Variants in ZNF540 observed in about 807,000 individuals in gnomAD.
ZNF540 encodes the protein zinc finger protein 540.
ZNF540 carries 3 observed loss-of-function variants against 11.8 expected under a neutral mutation model. That is an observed-to-expected ratio of 0.25 (90% CI 0.12 to 0.65). ZNF540 has a LOEUF of 0.65. ZNF540 is among the 30% of genes least tolerant of loss of function. ZNF540 has a pLI of 0.83. For missense variants in ZNF540, 709 were observed against 793.1 expected (o/e 0.89, Z 1.27); for synonymous variants, 247 against 259.0 (o/e 0.95, Z 0.45).
intron 1 of ZNF540, chr19:37,563,729 C>T (rs761927563): frequency 3.5e-5 from 5 of 143,388 alleles, no homozygotes; most frequent in Admixed American, 1.4e-4. Context: ...AATACATACA[C>T]GTGGAATATA....
chr19:37,609,039 T>A (rs1372592848), intron 4 of ZNF540, among the ~76,000 whole-genome samples: 1 of 152,164 alleles, frequency 6.6e-6, no homozygotes, highest in Non-Finnish European at 1.5e-5. Context: ...ACACTTCTAG[T>A]CTCCCAGCCA....
intron 1 of ZNF540, chr19:37,560,667 A>G (rs2042706800): frequency 6.6e-6 from 1 of 152,108 alleles, no homozygotes; most frequent in Admixed American, 6.6e-5. Context: ...AATGATTTTT[A>G]AAAAGAAAAA....
chr19:37,578,215 T>C (rs987687326), intron 1 of ZNF540, among the ~76,000 whole-genome samples: 2 of 151,794 alleles, frequency 1.3e-5, no homozygotes, highest in Non-Finnish European at 2.9e-5. Context: ...GCCAAAAAGG[T>C]TGGGATAGCG....
upstream of ZNF540, among the ~76,000 whole-genome samples, chr19:37,591,235 T>C (rs967021067): frequency 3.9e-5 from 6 of 152,188 alleles, no homozygotes; most frequent in East Asian, 1.2e-3. Flanking sequence ...AATGGCTCAT[T>C]TCAGGGCTGG....
At chr19:37,575,403 T>C (rs1399609411) in intron 1 of ZNF540, 1 of 152,242 alleles carries the variant, frequency 6.6e-6, no homozygotes, top group East Asian at 1.9e-4. Context: ...ATACAAATAC[T>C]GTTCAATACA....
intron 1 of ZNF540, chr19:37,586,747 T>C: frequency 1.3e-6 from 2 of 1,574,996 alleles, no homozygotes; most frequent in East Asian, 2.2e-5. Flanking sequence ...AAGCCAGTGC[T>C]GGACAAGGAA....
At chr19:37,595,742 A>G (rs970674002) in intron 1 of ZNF540, among the ~76,000 whole-genome samples, 18 of 152,374 alleles carry the variant, frequency 1.2e-4, no homozygotes, top group African/African-American at 4.3e-4. Flanking sequence ...TGTGCTCTCC[A>G]ATATAGTAGC....
intron 1 of ZNF540, among the ~76,000 whole-genome samples, chr19:37,579,574 G>A (rs1043356660): frequency 2.6e-5 from 4 of 152,188 alleles, no homozygotes; most frequent in Admixed American, 1.3e-4. Flanking sequence ...ACCTTTCACC[G>A]TATAAAATAA....
At chr19:37,586,952 C>A (rs2043695160) in intron 1 of ZNF540, 3 of 442,806 alleles carry the variant, frequency 6.8e-6, no homozygotes, top group Middle Eastern at 1.2e-3. Flanking sequence ...GGTGCTGTTA[C>A]TTTCCCATGG....
chr19:37,566,197 G>A (rs1478450768), intron 1 of ZNF540: 2 of 1,613,804 alleles, frequency 1.2e-6, no homozygotes, highest in African/African-American at 2.7e-5. Flanking sequence ...GGTGATGGTT[G>A]ATACGTTTCC....
At chr19:37,583,544 C>G (rs949567646) in intron 1 of ZNF540, 1 of 155,626 alleles carries the variant, frequency 6.4e-6, no homozygotes, top group Non-Finnish European at 1.4e-5. Flanking sequence ...CTGCCACCTA[C>G]GGATCAGCTG....
chr19:37,565,331 T>C (rs747280195), intron 1 of ZNF540: 1 of 1,612,828 alleles, frequency 6.2e-7, no homozygotes, highest in Non-Finnish European at 8.5e-7. Flanking sequence ...CCCGCATTCT[T>C]TACATTCATA....
chr19:37,558,060 G>C (rs1341357637), intron 1 of ZNF540, among the ~76,000 whole-genome samples: 1 of 152,108 alleles, frequency 6.6e-6, no homozygotes, highest in Non-Finnish European at 1.5e-5. Flanking sequence ...TATTAGGGAG[G>C]GCTAAAGCAG....
At chr19:37,571,959 A>G (rs1448615210) in intron 1 of ZNF540, among the ~76,000 whole-genome samples, 1 of 152,218 alleles carries the variant, frequency 6.6e-6, no homozygotes, top group Non-Finnish European at 1.5e-5. Context: ...ATTATTTTAA[A>G]TTATATCTTT....
chr19:37,560,083 C>G (rs1246920553), intron 1 of ZNF540, among the ~76,000 whole-genome samples: 1 of 151,972 alleles, frequency 6.6e-6, no homozygotes, highest in Non-Finnish European at 1.5e-5. Flanking sequence ...TTGAGACCAG[C>G]CTGGCCAACA....
At chr19:37,559,669 GA>G (rs1467478351) in intron 1 of ZNF540, among the ~76,000 whole-genome samples, 19 of 152,294 alleles carry the variant, frequency 1.2e-4, no homozygotes, top group Non-Finnish European at 2.2e-4. Flanking sequence ...TATTTAGGGG[GA>G]AAAGGTATAT....
chr19:37,590,834 A>T (rs1288107978), upstream of ZNF540, among the ~76,000 whole-genome samples: 1 of 152,224 alleles, frequency 6.6e-6, no homozygotes, highest in Non-Finnish European at 1.5e-5. Context: ...AACCAAATGT[A>T]ATCCATGAAC....
intron 1 of ZNF540, chr19:37,583,761 G>C (rs1600520520): frequency 2.2e-6 from 1 of 461,956 alleles, no homozygotes; most frequent in East Asian, 3.8e-5. Context: ...TAGTCCATTG[G>C]CATCAAAGAA....
intron 1 of ZNF540, among the ~76,000 whole-genome samples, chr19:37,578,475 T>C (rs1476696672): frequency 3.9e-5 from 6 of 152,158 alleles, no homozygotes; most frequent in Non-Finnish European, 5.9e-5. Flanking sequence ...GAAAGCCACC[T>C]AGAGTTTTTG....
Sources: gnomAD v4.1 joint callset for allele counts (sites outside exome capture counted in the v4.1 genomes callset) on GRCh38, gnomAD v4.1.1 for gene constraint, MANE v1.5 for transcripts, NCBI Gene and HGNC (gene_info 2026-07-23, HGNC 2026-07-21) for gene names.